The following ZFYVE16 variants were observed in gnomAD, a reference collection of about 807,000 sequenced individuals.
ZFYVE16 encodes the protein zinc finger FYVE-type containing 16.
In ZFYVE16, 89 loss-of-function variants were observed where a neutral mutation model predicts 138.1. The ratio of observed to expected loss-of-function variants is 0.64; its 90% CI spans 0.54 to 0.77. ZFYVE16 has a LOEUF of 0.77. ZFYVE16 is among the 30% of genes least tolerant of loss of function. The pLI, the probability that ZFYVE16 is intolerant of heterozygous loss-of-function variation, is 0.00. For missense variants in ZFYVE16, 1,793 were observed against 1,786.7 expected (o/e 1.00, Z -0.06); for synonymous variants, 596 against 618.3 (o/e 0.96, Z 0.53).
chr5:80,413,620 A>G (rs1163800290), intron 1 of ZFYVE16, among the ~76,000 whole-genome samples: 4 of 152,106 alleles, frequency 2.6e-5, no homozygotes, highest in Non-Finnish European at 4.4e-5. Flanking sequence ...TTGAGCAACT[A>G]TTTTCTTAAT....
rs746336497 is a variant in ZFYVE16, at chr5:80,448,037, A to G, written c.2736A>G (p.Thr912=). ...LSPDVPMTVN[T]VDHSHSTTVE... ...TACATATTTTACAGACAGTAAACAC[A>G]GTGGATCATTCCCATTCTACTACAG... The change falls in exon 8 of 19, where the codon ACA becomes ACG. Residue 912 remains threonine, a synonymous_variant. Coordinates refer to ENST00000505560, the MANE Select transcript of ZFYVE16 (RefSeq NM_001284236.3). 1.2e-6 allele frequency: 2 copies of G among 1,603,486 alleles called. No homozygotes were observed. The highest frequency in any genetic ancestry group is 1.7e-6 in the Non-Finnish European group (2 of 1,175,222).
chr5:80,443,012 ATTTC>A (rs1750892940), intron 5 of ZFYVE16, 107 bp from the exon 6 acceptor site: 3 of 1,095,122 alleles, frequency 2.7e-6, no homozygotes, highest in Non-Finnish European at 2.5e-6. Flanking sequence ...TTGATTAGCC[ATTTC>A]TTTCTTTCTC....
At chr5:80,425,911 G>A (rs1747920085) in intron 1 of ZFYVE16, among the ~76,000 whole-genome samples, 1 of 151,984 alleles carries the variant, frequency 6.6e-6, no homozygotes, top group South Asian at 2.1e-4. Flanking sequence ...GGCCTAGTCT[G>A]TTTATTGCAT....
At chr5:80,419,133 A>C (rs1746702473) in intron 1 of ZFYVE16, among the ~76,000 whole-genome samples, 1 of 149,814 alleles carries the variant, frequency 6.7e-6, no homozygotes, top group Non-Finnish European at 1.5e-5. Flanking sequence ...GCTACAGTGC[A>C]GTGGTGTAAT....
chr5:80,462,646 A>G lies in ZFYVE16; in HGVS notation c.4024+3152A>G, dbSNP rs1043777695. Among the ~76,000 whole-genome samples the G allele has an allele frequency of 2.0e-5, 3 of 152,232 alleles. No homozygotes were observed. The East Asian group carries it at 5.8e-4, about 29-fold the overall frequency. On this transcript the variant is annotated intron_variant, in intron 15 of 18. Coordinates refer to ENST00000505560, the MANE Select transcript of ZFYVE16 (RefSeq NM_001284236.3). The stretch of plus-strand genomic sequence containing the variant: ...TTTCAAGACACAAACATGCCTTTGC[A>G]ACAGTCTCCCAAAGTCTTAACACAT...
At chr5:80,453,283 CAA>C (rs554726075) in intron 11 of ZFYVE16, among the ~76,000 whole-genome samples, 61 of 152,256 alleles carry the variant, frequency 4.0e-4, no homozygotes, top group African/African-American at 1.4e-3. Context: ...CTGTGTGAAA[CAA>C]AGAGCTTAAG....
At chr5:80,441,142 A>C in intron 5 of ZFYVE16, 2 of 985,458 alleles carry the variant, frequency 2.0e-6, no homozygotes, top group African/African-American at 3.5e-5. Context: ...AGCCAAGGCA[A>C]TCTGCTAGAA....
chr5:80,424,466 CTTT>C (rs70988471), intron 1 of ZFYVE16, among the ~76,000 whole-genome samples: 1 of 144,874 alleles, frequency 6.9e-6, no homozygotes. Context: ...CTCCAAATTC[CTTT>C]TTTTTTTTTT....
At position 80,480,630 on chromosome 5, in the gene ZFYVE16, A is replaced by G. The variant is rs1014467105; in HGVS notation, c.*3253A>G. On this transcript the variant is annotated 3_prime_UTR_variant, in exon 19 of 19. Transcript: ENST00000505560. ...AGAATAAACTAGAAAATCCACACATAGACACATAATAAGGCCAGGTGCAGT... is the reference window on the plus strand; with the variant it reads ...AGAATAAACTAGAAAATCCACACATGGACACATAATAAGGCCAGGTGCAGT... 5.3e-5 allele frequency among the ~76,000 whole-genome samples: 8 copies of G among 152,152 alleles called. No homozygotes were observed. The highest frequency in any genetic ancestry group is 1.7e-4 in the African/African-American group (7 of 41,450).
chr5:80,410,762 G>T (rs541027832), intron 1 of ZFYVE16, among the ~76,000 whole-genome samples: 1 of 151,500 alleles, frequency 6.6e-6, no homozygotes, highest in African/African-American at 2.4e-5. Flanking sequence ...TAGAGACAGG[G>T]TTTCACCATG....
At chr5:80,461,644 C>G (rs1451984447) in intron 15 of ZFYVE16, among the ~76,000 whole-genome samples, 1 of 152,144 alleles carries the variant, frequency 6.6e-6, no homozygotes, top group South Asian at 2.1e-4. Context: ...GTGTGACTCT[C>G]AGAGAGAGCT....
At chr5:80,468,154 G>A (rs1021636937) in intron 15 of ZFYVE16, among the ~76,000 whole-genome samples, 1 of 152,094 alleles carries the variant, frequency 6.6e-6, no homozygotes, top group Non-Finnish European at 1.5e-5. Flanking sequence ...TTTACAAAAG[G>A]TCCATGGGAA....
intron 2 of ZFYVE16, among the ~76,000 whole-genome samples, chr5:80,429,776 A>G (rs1326899776): frequency 6.6e-6 from 1 of 152,164 alleles, no homozygotes; most frequent in African/African-American, 2.4e-5. Flanking sequence ...ACACATAAAA[A>G]AGGCAGGGGT....
Position 80,437,792 on chromosome 5 carries a change from A to G in ZFYVE16, c.1107A>G (p.Lys369=). ...DSSSALHVSS[K]DVPSSLSCLP... ...CTTCAGCTTTACATGTTTCCAGTAA[A>G]GATGTGCCGTCCTCATTGTCCTGTC... The change falls in exon 4 of 19, where the codon AAA becomes AAG. Residue 369 remains lysine (K), a synonymous_variant. Coordinates refer to ENST00000505560, the MANE Select transcript of ZFYVE16 (RefSeq NM_001284236.3). 6.2e-7 allele frequency: 1 copy of G among 1,614,070 alleles called. No homozygotes were observed. Among genetic ancestry groups the G allele is most frequent in the Non-Finnish European group, 8.5e-7 (1 of 1,179,968 alleles).
Position 80,436,999 on chromosome 5 carries a change from C to G in ZFYVE16, c.314C>G (p.Ser105Cys). The G allele has an allele frequency of 1.2e-6, 2 of 1,614,166 alleles. No homozygotes were observed. The highest frequency in any genetic ancestry group is 4.5e-5 in the East Asian group (2 of 44,878). Residue 105 changes from serine to cysteine, a missense_variant, in exon 4 of 19, where the codon TCT becomes TGT. Physicochemically the swap from Ser to Cys is moderately radical, Grantham distance 112. Around this residue, in one of 2 missense-constraint regions of ZFYVE16, gnomAD observed 1,295 missense variants for 1,204.3 expected, o/e 1.08. Transcript: ENST00000505560. ...GTAACAGGACTTGATCTTCTTTCTT[C>G]TGTGGATGGTGGTACTTCAGATGAA... The part of the protein sequence containing the change: ...KNVTGLDLLS[S>C]VDGGTSDEIQ...
intron 11 of ZFYVE16, 90 bp from the exon 12 acceptor site, chr5:80,455,598 ATGTT>A (rs1752444998): frequency 3.1e-6 from 3 of 971,644 alleles, no homozygotes; most frequent in Non-Finnish European, 1.6e-6. Flanking sequence ...TTTATACATA[ATGTT>A]TGTTTGTAAA....
chr5:80,445,227 CA>C (rs1751167982), intron 6 of ZFYVE16, 35 bp from the exon 7 acceptor site: 1 of 1,595,294 alleles, frequency 6.3e-7, no homozygotes. Context: ...GCCATATTAC[CA>C]GATTCAAATG....
Position 80,440,000 on chromosome 5 carries a change from T to C in ZFYVE16, c.2387T>C (p.Val796Ala). 6.2e-7 allele frequency: 1 copy of C among 1,611,214 alleles called. No individual in the cohort carries two copies. The highest frequency in any genetic ancestry group is 8.5e-7 in the Non-Finnish European group (1 of 1,178,608). Residue 796 changes from valine to alanine, a missense_variant, in exon 5 of 19, where the codon GTA (valine) becomes GCA (alanine). This residue lies in a region of ZFYVE16 where 1,295 missense variants were observed against 1,204.3 expected (regional missense o/e 1.08). Coordinates refer to ENST00000505560, the MANE Select transcript of ZFYVE16 (RefSeq NM_001284236.3). Reference sequence around the variant, plus strand: ...CAATATCTAGAAAAGGAAGCAAGAGTATGTGTAGTCTGCTATGAAACTATT... The same window carrying C: ...CAATATCTAGAAAAGGAAGCAAGAGCATGTGTAGTCTGCTATGAAACTATT... ...KLQYLEKEAR[V>A]CVVCYETISK...
At chr5:80,429,760 T>C (rs1032141514) in intron 2 of ZFYVE16, among the ~76,000 whole-genome samples, 5 of 151,664 alleles carry the variant, frequency 3.3e-5, no homozygotes, top group Non-Finnish European at 7.4e-5. Flanking sequence ...GAAAAAGATA[T>C]ACCAAACACA....
Sources: gnomAD v4.1 joint callset for allele counts (sites outside exome capture counted in the v4.1 genomes callset) on GRCh38, gnomAD v4.1.1 for gene constraint, gnomAD v4.1.1 regional missense constraint, MANE v1.5 for transcripts, NCBI Gene and HGNC (gene_info 2026-07-23, HGNC 2026-07-21) for gene names.